Variants in ZNF362 observed in about 807,000 individuals in gnomAD.
ZNF362 encodes zinc finger protein 362.
In ZNF362, 11 loss-of-function variants were observed where a neutral mutation model predicts 42.9. The ratio of observed to expected loss-of-function variants is 0.26; its 90% CI spans 0.16 to 0.42. The LOEUF (loss-of-function observed/expected upper bound fraction) is 0.42, where lower values mean the gene tolerates loss of function less well. Ranked by LOEUF, ZNF362 falls within the 20% of genes least tolerant of loss-of-function variation. The probability of loss-of-function intolerance (pLI) is 1.00; values close to 1 mark genes in which losing one functional copy is unlikely to be tolerated. For synonymous variants in ZNF362, 255 were observed against 257.3 expected (o/e 0.99, Z 0.09); for missense variants, 362 against 576.2 (o/e 0.63, Z 3.81).
upstream of ZNF362, among the ~76,000 whole-genome samples, chr1:33,256,350 C>T (rs1455335748): frequency 7.1e-6 from 1 of 141,510 alleles, no homozygotes; most frequent in Non-Finnish European, 1.6e-5. Context: ...GCTGCGCAGC[C>T]GGAGAGGCGG....
chr1:33,229,357 A>C, the ZNF362 span, among the ~76,000 whole-genome samples: 1 of 151,496 alleles, frequency 6.6e-6, no homozygotes, highest in Non-Finnish European at 1.5e-5. Flanking sequence ...GATCCCAGGC[A>C]GCTCCTTCAC....
intron 1 of ZNF362, among the ~76,000 whole-genome samples, chr1:33,260,599 C>T (rs569490249): frequency 2.7e-4 from 41 of 152,280 alleles, no homozygotes; most frequent in African/African-American, 8.7e-4. Context: ...TCTCATTATT[C>T]GCATTTCTTG....
rs1361071820 is a variant in ZNF362 at position 33,280,608 on chromosome 1, C to T, written c.683+151C>T. ...AGAGGGGCGGGGCCTTCTGGAGAGC[C>T]CCACCCACATCCCAAGTCCCAGTTC... On this transcript the variant is annotated intron_variant, in intron 5 of 8. Transcript: ENST00000539719. The surrounding 1 kb of genome is among the most constrained non-coding windows in gnomAD (Gnocchi z 5.6). 3 of 1,400,394 alleles carry T rather than the reference C, an allele frequency of 2.1e-6. 1 individual carries two copies. Among genetic ancestry groups the T allele is most frequent in the South Asian group, 1.6e-5 (1 of 64,250 alleles). The allele number at this position is 1,400,394 out of a possible 1,614,324, so 86.7% of individuals were successfully genotyped here.
chr1:33,280,180 G>A lies in ZNF362; in HGVS notation c.406G>A (p.Ala136Thr), dbSNP rs143005937. ...GAGCACTTCTGAGTCAAGCGCGGGC[G>A]CGGGCACGGGCACGGGTACCAGCAC... ...SVSTSESSAGAGTGTGTSTPS... is the reference protein window; with the variant it reads ...SVSTSESSAGTGTGTGTSTPS... The change falls in exon 5 of 9, where the codon GCG becomes ACG. Residue 136 changes from alanine to threonine, a missense_variant. Physicochemically the swap from Ala to Thr is moderately conservative, Grantham distance 58. Transcript: ENST00000539719. This position sits in a 1 kb window ranked among gnomAD's most constrained non-coding sequence, Gnocchi z 5.6. 1.6e-3 allele frequency: 2,642 copies of A among 1,612,040 alleles called. 40 individuals carry two copies. The African/African-American group carries it at 0.032, about 19-fold the overall frequency.
chr1:33,158,453 G>C, the ZNF362 span: 1 of 1,047,076 alleles, frequency 9.6e-7, no homozygotes, highest in Admixed American at 1.8e-5. Context: ...CTTCAGGGCA[G>C]CTGGCATAGG....
the ZNF362 span, among the ~76,000 whole-genome samples, chr1:33,189,709 G>GTGTA: frequency 6.4e-4 from 8 of 12,446 alleles, 1 homozygote; most frequent in South Asian, 4.3e-3. Flanking sequence ...ACATATATAC[G>GTGTA]TATATATATA....
At chr1:33,132,183 G>GC in the ZNF362 span, among the ~76,000 whole-genome samples, 1 of 152,164 alleles carries the variant, frequency 6.6e-6, no homozygotes, top group Non-Finnish European at 1.5e-5. Context: ...ACTGTGAGCT[G>GC]CCTACTGCTT....
the ZNF362 span, among the ~76,000 whole-genome samples, chr1:33,192,521 G>A: frequency 1.3e-5 from 2 of 152,188 alleles, no homozygotes; most frequent in Admixed American, 1.3e-4. Flanking sequence ...AGAGAAGTGG[G>A]AATTGATAAA....
At chr1:33,215,121 A>G in the ZNF362 span, among the ~76,000 whole-genome samples, 1 of 152,212 alleles carries the variant, frequency 6.6e-6, no homozygotes, top group Non-Finnish European at 1.5e-5. Context: ...TGAATAAATA[A>G]AGAAAATGTT....
At chr1:33,136,721 C>T in the ZNF362 span, among the ~76,000 whole-genome samples, 4 of 150,792 alleles carry the variant, frequency 2.7e-5, no homozygotes, top group African/African-American at 7.3e-5. Context: ...TCAGCCAGGC[C>T]GGGCACGGTG....
chr1:33,272,590 G>T (rs1385118203), intron 2 of ZNF362, among the ~76,000 whole-genome samples: 1 of 152,064 alleles, frequency 6.6e-6, no homozygotes, highest in South Asian at 2.1e-4. Context: ...GGCTTTTGTC[G>T]TGCTTGAGGC....
chr1:33,188,766 T>C, the ZNF362 span, among the ~76,000 whole-genome samples: 2 of 152,208 alleles, frequency 1.3e-5, no homozygotes, highest in Non-Finnish European at 1.5e-5. Flanking sequence ...GGGTCTGTTG[T>C]GCATGCTCTG....
the ZNF362 span, among the ~76,000 whole-genome samples, chr1:33,202,277 G>A: frequency 1.3e-5 from 2 of 152,146 alleles, no homozygotes; most frequent in Non-Finnish European, 2.9e-5. Context: ...AAAACCAGCA[G>A]GTTGAATTTA....
intron 6 of ZNF362, among the ~76,000 whole-genome samples, chr1:33,293,682 A>T (rs977407061): frequency 2.6e-5 from 4 of 152,196 alleles, no homozygotes; most frequent in African/African-American, 9.7e-5. Flanking sequence ...TTCATTGCTC[A>T]CCTGCTTGGT....
chr1:33,231,343 T>C, the ZNF362 span, among the ~76,000 whole-genome samples: 1 of 152,214 alleles, frequency 6.6e-6, no homozygotes, highest in Admixed American at 6.5e-5. Context: ...AGTTATTGCA[T>C]GATGGCCACA....
the ZNF362 span, among the ~76,000 whole-genome samples, chr1:33,222,868 G>C: frequency 6.6e-6 from 1 of 152,144 alleles, no homozygotes; most frequent in African/African-American, 2.4e-5. Context: ...AGAGGGACCT[G>C]GTGGGAGGTA....
chr1:33,278,438 C>CTA (rs1645967179), intron 4 of ZNF362, among the ~76,000 whole-genome samples: 2 of 152,156 alleles, frequency 1.3e-5, no homozygotes, highest in Admixed American at 1.3e-4. Flanking sequence ...AGCCTTAATC[C>CTA]TACTATTGTT....
the ZNF362 span, among the ~76,000 whole-genome samples, chr1:33,130,333 G>A: frequency 4.6e-5 from 7 of 152,230 alleles, no homozygotes; most frequent in African/African-American, 1.7e-4. Flanking sequence ...TATGTTAGAA[G>A]TGACGGGTTG....
the ZNF362 span, among the ~76,000 whole-genome samples, chr1:33,170,848 A>G: frequency 6.6e-6 from 1 of 152,174 alleles, no homozygotes; most frequent in Non-Finnish European, 1.5e-5. Context: ...GGATAATCAT[A>G]TCTCCTAGGG....
Sources: gnomAD v4.1 joint callset for allele counts (sites outside exome capture counted in the v4.1 genomes callset) on GRCh38, gnomAD v4.1.1 for gene constraint, Gnocchi (gnomAD v3.1) non-coding constraint, MANE v1.5 for transcripts, NCBI Gene and HGNC (gene_info 2026-07-23, HGNC 2026-07-21) for gene names.